The following PIEZO1 variants were observed in gnomAD, a reference collection of about 807,000 sequenced individuals.
PIEZO1 encodes the protein piezo type mechanosensitive ion channel component 1 (Er blood group), also known as piezo-type mechanosensitive ion channel component 1.
In PIEZO1, 296 loss-of-function variants were observed where a neutral mutation model predicts 297.2. The ratio of observed to expected loss-of-function variants is 1.00; its 90% CI spans 0.91 to 1.10. PIEZO1 has a LOEUF of 1.10. Ranked by LOEUF, PIEZO1 falls within the 50% of genes least tolerant of loss-of-function variation. The pLI, the probability that PIEZO1 is intolerant of heterozygous loss-of-function variation, is 0.00. For missense variants in PIEZO1, 5,018 were observed against 3,455.5 expected (o/e 1.45, Z -11.34); for synonymous variants, 2,427 against 1,507.5 (o/e 1.61, Z -14.13).
rs193081748 is a variant in PIEZO1, at chr16:88,750,775, C to G, written c.65-1296G>C. On this transcript the variant is annotated intron_variant, in intron 1 of 50. Transcript: ENST00000301015. ...GGACCACTCAGCCTTTCCGGGGCTA[C>G]CAGGGAGGACACTGGGACTGGAAAG... is the stretch of plus-strand genomic sequence containing the variant. Among the ~76,000 whole-genome samples, 747 of 152,318 alleles carry G rather than the reference C, an allele frequency of 4.9e-3. 3 individuals are homozygous for G. The highest frequency in any genetic ancestry group is 9.4e-3 in the Admixed American group (144 of 15,306).
At position 88,741,577 on chromosome 16, in the gene PIEZO1, C is replaced by T; in HGVS notation, c.366G>A (p.Val122=). Residue 122 remains valine (V), a synonymous_variant, in exon 5 of 51, where the codon GTG becomes GTA. Transcript: ENST00000301015. ...LKDIPNAIRL[V]APDLGILVVS... ...CCACCAAGATGCCCAGGTCAGGGGC[C>T]ACCAGCCGGATGGCGTTGGGGATGT... The T allele has an allele frequency of 6.5e-7, 1 of 1,535,478 alleles. No individual in the cohort carries two copies. The highest frequency in any genetic ancestry group is 8.7e-7 in the Non-Finnish European group (1 of 1,146,690).
At position 88,732,721 on chromosome 16, in the gene PIEZO1, G is replaced by GT. The variant is rs1567670939; in HGVS notation, c.2675dup (p.Asn892LysfsTer175). On this transcript the variant is annotated frameshift_variant, in exon 20 of 51. Transcript: ENST00000301015. LOFTEE classifies it high-confidence loss of function. ...TCTCCGTGGGCAGCAAGTTGGTGCT[G>GT]TTGGGGAAGGGCTGGCAAGAGGCCA... 1 of 1,547,312 alleles carries GT rather than the reference G, an allele frequency of 6.5e-7. No individual in the cohort carries two copies. The highest frequency in any genetic ancestry group is 2.0e-5 in the Admixed American group (1 of 50,824).
Position 88,716,396 on chromosome 16 carries a change from C to T in PIEZO1, c.7014G>A (p.Leu2338=). 1 of 1,548,346 alleles carries T rather than the reference C, an allele frequency of 6.5e-7. No homozygotes were observed. The highest frequency in any genetic ancestry group is 2.4e-5 in the East Asian group (1 of 40,894). ...CCGAGGTGCCCTCGAGCAGGCTGGC[C>T]AGCTGCCGCCGTGCAGTGCTGTTGG... ...LAPNSTARRQ[L]ASLLEGTSDQ... is the part of the protein sequence containing the mutation. Residue 2338 remains leucine (L), a synonymous_variant, in exon 48 of 51, where the codon CTG becomes CTA. Transcript: ENST00000301015.
intron 22 of PIEZO1, among the ~76,000 whole-genome samples, chr16:88,729,894 C>T (rs962380024): frequency 2.0e-5 from 3 of 152,156 alleles, no homozygotes; most frequent in Non-Finnish European, 4.4e-5. Flanking sequence ...CCATCTGCCA[C>T]AGAGGGAACC....
intron 21 of PIEZO1, 83 bp downstream of exon 21, chr16:88,732,252 C>G (rs1330991536): frequency 2.0e-5 from 25 of 1,255,826 alleles, no homozygotes; most frequent in Non-Finnish European, 2.6e-5. Flanking sequence ...TGGGGCCAGG[C>G]TTGCGGTGCC....
Position 88,732,389 on chromosome 16 carries a change from C to T in PIEZO1, c.2937G>A (p.Leu979=). The change falls in exon 21 of 51, where the codon CTG becomes CTA. Residue 979 remains leucine (L), a synonymous_variant. Transcript: ENST00000301015. ...SGTRQQLDQD[L]LGCLKYFINF... ...TGATGAAGTACTTGAGGCAGCCGAG[C>T]AGATCCTGGTCCAGCTGCTGGCGGG... The T allele has an allele frequency of 6.5e-7, 1 of 1,549,816 alleles. No individual in the cohort carries two copies. Among genetic ancestry groups the T allele is most frequent in the Non-Finnish European group, 8.7e-7 (1 of 1,146,566 alleles).
chr16:88,721,584 T>C lies in PIEZO1; in HGVS notation c.5357A>G (p.Asp1786Gly). 6.5e-7 allele frequency: 1 copy of C among 1,550,076 alleles called. No individual in the cohort carries two copies. The highest frequency in any genetic ancestry group is 8.7e-7 in the Non-Finnish European group (1 of 1,146,854). The change falls in exon 38 of 51, where the codon GAC becomes GGC. Residue 1786 changes from aspartate (D) to glycine (G), a missense_variant. By Grantham distance (94) the Asp-to-Gly change is moderately conservative. Transcript: ENST00000301015. The part of the protein sequence containing the change: ...LEKTDGYIKY[D>G]LVQLMALFFH... ...GAAAAGGGCCATGAGCTGCACCAGG[T>C]CGTACTTGATGTAGCCGTCAGTCTT... is the stretch of plus-strand genomic sequence containing the variant.
intron 19 of PIEZO1, 50 bp downstream of exon 19, chr16:88,733,228 T>C (rs1020329319): frequency 4.5e-5 from 68 of 1,502,464 alleles, no homozygotes; most frequent in Admixed American, 8.0e-5. Context: ...GGGCTGCGAA[T>C]ACAGAGTTGC....
intron 1 of PIEZO1, among the ~76,000 whole-genome samples, chr16:88,776,767 C>T (rs1222555562): frequency 6.6e-6 from 1 of 152,194 alleles, no homozygotes; most frequent in African/African-American, 2.4e-5. Flanking sequence ...CGGGGCGGGC[C>T]AGTCCGGCGC....
intron 21 of PIEZO1, 145 bp downstream of exon 21, chr16:88,732,190 A>G (rs1904895906): frequency 1.5e-6 from 1 of 668,022 alleles, no homozygotes; most frequent in Middle Eastern, 3.5e-4. Context: ...AGTCCAGGGA[A>G]GCCGTGCCTG....
chr16:88,765,039 C>T (rs545588232), intron 1 of PIEZO1, among the ~76,000 whole-genome samples: 6 of 152,350 alleles, frequency 3.9e-5, no homozygotes, highest in African/African-American at 7.2e-5. Context: ...GTGTCCTCAG[C>T]GGTGCTGGAC....
Position 88,725,426 on chromosome 16 carries a change from G to C in PIEZO1, c.4152C>G (p.Gly1384=), listed in dbSNP as rs1179185028. ...PQDTLGPKDP[G]LEPGPDSPGG... The stretch of plus-strand genomic sequence containing the variant: ...TCCAGCTGCACTCACCTGGCTCCAG[G>C]CCGGGGTCCTTGGGGCCCAGGGTGT... The change falls in exon 29 of 51, where the codon GGC becomes GGG. Residue 1384 remains glycine (G), a synonymous_variant. Coordinates refer to ENST00000301015, the MANE Select transcript of PIEZO1 (RefSeq NM_001142864.4). 8 of 1,459,828 alleles carry C rather than the reference G, an allele frequency of 5.5e-6. No individual in the cohort carries two copies. The East Asian group carries it at 2.0e-4, about 37-fold the overall frequency. 90.4% of individuals were successfully genotyped at this position (1,459,828 alleles called of 1,614,324 possible).
chr16:88,724,670 C>T (rs1377261269), intron 30 of PIEZO1, among the ~76,000 whole-genome samples: 1 of 152,128 alleles, frequency 6.6e-6, no homozygotes, highest in Non-Finnish European at 1.5e-5. Flanking sequence ...CTCCAGCCTG[C>T]AGTGACAGAG....
At chr16:88,756,233 G>A (rs1246445404) in intron 1 of PIEZO1, among the ~76,000 whole-genome samples, 2 of 152,212 alleles carry the variant, frequency 1.3e-5, no homozygotes, top group Admixed American at 6.5e-5. Flanking sequence ...CACCCAGCCC[G>A]ATGTCCACCA....
chr16:88,767,043 C>T (rs1907211517), intron 1 of PIEZO1, among the ~76,000 whole-genome samples: 1 of 152,256 alleles, frequency 6.6e-6, no homozygotes, highest in South Asian at 2.1e-4. Flanking sequence ...GCTCTGCCCG[C>T]ACGAGCCTAT....
rs1214995048 is a variant in PIEZO1, at chr16:88,722,565, G to A, written c.4775+18C>T. The A allele has an allele frequency of 7.4e-6, 11 of 1,492,362 alleles. No individual in the cohort carries two copies. Among genetic ancestry groups the A allele is most frequent in the South Asian group, 3.7e-5 (3 of 81,792 alleles). The allele number at this position is 1,492,362 out of a possible 1,614,324, so 92.4% of individuals were successfully genotyped here. A position where few individuals can be genotyped will look rare whatever the true frequency, so the allele number is the denominator to read the frequency against. On this transcript the variant is annotated intron_variant, in intron 35 of 50. Transcript: ENST00000301015. The stretch of plus-strand genomic sequence containing the variant: ...CACCAGGGGCAGCAGCTGGGGCTCG[G>A]GTCACCCCCGCACCTACCTGGACAC...
At chr16:88,733,015 G>T in intron 19 of PIEZO1, 1 of 582,530 alleles carries the variant, frequency 1.7e-6, no homozygotes, top group Non-Finnish European at 3.0e-6. Context: ...CCCTGTCCAG[G>T]GGTGGGGCCC....
chr16:88,783,701 T>G (rs1392888896), intron 1 of PIEZO1, among the ~76,000 whole-genome samples: 2 of 152,230 alleles, frequency 1.3e-5, no homozygotes, highest in South Asian at 4.1e-4. Context: ...CTGACCGCAC[T>G]GAAGAGAGTT....
intron 1 of PIEZO1, among the ~76,000 whole-genome samples, chr16:88,777,618 T>G (rs1005079643): frequency 4.6e-5 from 7 of 152,340 alleles, no homozygotes; most frequent in Admixed American, 3.3e-4. Context: ...CAAAACTCCC[T>G]TTCATGTTGC....
Sources: gnomAD v4.1 joint callset for allele counts (sites outside exome capture counted in the v4.1 genomes callset) on GRCh38, gnomAD v4.1.1 for gene constraint, MANE v1.5 for transcripts, NCBI Gene and HGNC (gene_info 2026-07-23, HGNC 2026-07-21) for gene names.